TBC1D14: variants seen among roughly 807,000 people sequenced by gnomAD.
TBC1D14 encodes the protein TBC1 domain family member 14, also known as TBC1 domain family, member 14.
Under a neutral mutation model 79.0 loss-of-function variants are expected in TBC1D14, and 26 were observed. The observed-to-expected ratio is 0.33, with a 90% confidence interval of 0.24 to 0.46. The LOEUF (loss-of-function observed/expected upper bound fraction) is 0.46. TBC1D14 is among the 20% of genes least tolerant of loss of function. The probability of loss-of-function intolerance (pLI) is 1.00; values close to 1 mark genes in which losing one functional copy is unlikely to be tolerated. For synonymous variants in TBC1D14, 394 were observed against 349.9 expected, an observed-to-expected ratio of 1.13 and a Z score of -1.40; for missense variants, 769 against 887.6, an observed-to-expected ratio of 0.87 and a Z score of 1.70.
intron 2 of TBC1D14, among the ~76,000 whole-genome samples, chr4:6,950,390 T>TA (rs1369556817): frequency 4.6e-5 from 7 of 152,244 alleles, no homozygotes; most frequent in Non-Finnish European, 1.0e-4. Flanking sequence ...TTTCAACTCT[T>TA]ACACCTTTCA....
chr4:7,025,806 G>C (rs1376122899), intron 13 of TBC1D14, among the ~76,000 whole-genome samples: 1 of 152,216 alleles, frequency 6.6e-6, no homozygotes, highest in Non-Finnish European at 1.5e-5. Flanking sequence ...CCCAAACAGT[G>C]GCGCGGATAG....
intron 3 of TBC1D14, among the ~76,000 whole-genome samples, chr4:6,972,995 G>A (rs1716353976): frequency 6.6e-6 from 1 of 152,182 alleles, no homozygotes; most frequent in Non-Finnish European, 1.5e-5. Context: ...CGTCGTTGTT[G>A]GAAATGAGGT....
At chr4:6,986,886 G>A (rs1354094962) in intron 3 of TBC1D14, among the ~76,000 whole-genome samples, 1 of 152,224 alleles carries the variant, frequency 6.6e-6, no homozygotes, top group African/African-American at 2.4e-5. Flanking sequence ...CAGGAGCCAC[G>A]GTAGCCCGTA....
rs1324664261 is a variant in TBC1D14, at chr4:6,923,731, T to A, written c.342T>A (p.Ala114=). 1 of 1,613,786 alleles carries A rather than the reference T, an allele frequency of 6.2e-7. No individual in the cohort carries two copies. Among genetic ancestry groups the A allele is most frequent in the African/African-American group, 1.3e-5 (1 of 74,924 alleles). Residue 114 remains alanine (A), a synonymous_variant, in exon 2 of 14, where the codon GCT becomes GCA. Transcript: ENST00000409757. ...CGCTGCCATCCTGTGCGCCACCAGC[T>A]CCTAGCAGCACCGAGCGGGAACAGA... ...ACALPSCAPP[A]PSSTEREQSV...
At chr4:7,000,345 A>G (rs958637044) in intron 6 of TBC1D14, among the ~76,000 whole-genome samples, 11 of 152,084 alleles carry the variant, frequency 7.2e-5, no homozygotes, top group African/African-American at 2.7e-4. Context: ...GTGCTTTTGT[A>G]CTTTATCTCA....
chr4:7,014,583 T>C, intron 12 of TBC1D14, 26 bp downstream of exon 12: 1 of 1,483,980 alleles, frequency 6.7e-7, no homozygotes, highest in South Asian at 1.1e-5. Context: ...CCCTGTGTTT[T>C]CAGAGCATTT....
chr4:6,950,909 G>C (rs995677594), intron 2 of TBC1D14, among the ~76,000 whole-genome samples: 2 of 152,164 alleles, frequency 1.3e-5, no homozygotes, highest in Non-Finnish European at 2.9e-5. Flanking sequence ...TTATAAAATG[G>C]GTTGGGAGAG....
At chr4:7,029,632 C>T (rs1722840957) in intron 13 of TBC1D14, among the ~76,000 whole-genome samples, 1 of 152,232 alleles carries the variant, frequency 6.6e-6, no homozygotes. Context: ...CGAGACCATT[C>T]TGGCCAATAC....
intron 12 of TBC1D14, among the ~76,000 whole-genome samples, chr4:7,017,840 A>G (rs1045698963): frequency 2.1e-4 from 32 of 152,204 alleles, no homozygotes; most frequent in African/African-American, 7.7e-4. Context: ...TTCATGACTT[A>G]TTTCCTGAGT....
At chr4:6,945,133 G>A (rs8180337) in intron 2 of TBC1D14, among the ~76,000 whole-genome samples, 113,618 of 152,042 alleles carry the variant, frequency 0.75, 43,405 homozygotes, top group East Asian at 0.97. Flanking sequence ...GGGCTACATT[G>A]TGTCAGGCTC....
intron 3 of TBC1D14, among the ~76,000 whole-genome samples, chr4:6,990,109 C>T (rs1208870301): frequency 6.6e-6 from 1 of 152,176 alleles, no homozygotes; most frequent in Non-Finnish European, 1.5e-5. Context: ...GCTGTTGTGA[C>T]CAATCAAACT....
intron 13 of TBC1D14, among the ~76,000 whole-genome samples, chr4:7,026,076 G>T (rs1722340120): frequency 6.6e-6 from 1 of 152,072 alleles, no homozygotes; most frequent in Admixed American, 6.5e-5. Context: ...TGTCATCCAG[G>T]CTGGAGTGCA....
chr4:6,971,659 C>CAGTGTATGTAGATGTTAATATGTA (rs1716240229), intron 3 of TBC1D14, among the ~76,000 whole-genome samples: 1 of 152,156 alleles, frequency 6.6e-6, no homozygotes. Flanking sequence ...TGTCCAGTTG[C>CAGTGTATGTAGATGTTAATATGTA]GGTCCCCGGA....
rs1304542878 is a variant in TBC1D14 at position 7,010,667 on chromosome 4, C to G, written c.1533C>G (p.Ser511=). The G allele has an allele frequency of 1.2e-6, 2 of 1,613,684 alleles. No individual in the cohort carries two copies. The highest frequency in any genetic ancestry group is 8.5e-7 in the Non-Finnish European group (1 of 1,179,874). ...TCCTCTCTCAGGTCCAGGGCATGTC[C>G]TTCATAGCAGCAGTGTTGATCTTGA... The part of the protein sequence containing the change: ...RPDVGYVQGM[S]FIAAVLILNL... The change falls in exon 11 of 14, where the codon TCC becomes TCG. Residue 511 remains serine (S), a synonymous_variant. Transcript: ENST00000409757.
At chr4:6,943,486 T>TGCCTGCATCTCTGGCC (rs1381688463) in intron 2 of TBC1D14, among the ~76,000 whole-genome samples, 2 of 152,224 alleles carry the variant, frequency 1.3e-5, no homozygotes, top group Admixed American at 6.5e-5. Flanking sequence ...AGGATCTGGC[T>TGCCTGCATCTCTGGCC]GCTGCCTGCA....
At chr4:6,999,766 G>A (rs958208248) in intron 6 of TBC1D14, among the ~76,000 whole-genome samples, 2 of 152,086 alleles carry the variant, frequency 1.3e-5, no homozygotes, top group Non-Finnish European at 2.9e-5. Context: ...TGGCTCTAGG[G>A]CCCTGTGGTT....
chr4:6,961,975 G>C (rs958588179), intron 2 of TBC1D14, among the ~76,000 whole-genome samples: 5 of 152,184 alleles, frequency 3.3e-5, no homozygotes, highest in East Asian at 3.9e-4. Flanking sequence ...TTGAGAAAGC[G>C]TCTCGCTCTG....
intron 12 of TBC1D14, among the ~76,000 whole-genome samples, chr4:7,014,962 G>A (rs1721136364): frequency 6.6e-6 from 1 of 152,238 alleles, no homozygotes; most frequent in Admixed American, 6.5e-5. Flanking sequence ...TTGGAAGGCA[G>A]GAGGTCCTGG....
chr4:6,955,896 T>A (rs1486970804), intron 2 of TBC1D14, among the ~76,000 whole-genome samples: 3 of 152,194 alleles, frequency 2.0e-5, no homozygotes, highest in African/African-American at 4.8e-5. Context: ...CTGTGTTGTT[T>A]AGGTGGACGA....
Sources: allele counts gnomAD v4.1 joint callset (sites outside exome capture counted in the v4.1 genomes callset), GRCh38; gene constraint gnomAD v4.1.1; transcripts MANE v1.5; gene names NCBI Gene and HGNC (gene_info 2026-07-23, HGNC 2026-07-21).